The following NPFFR2 variants were observed in gnomAD, a reference collection of about 807,000 sequenced individuals.
NPFFR2 encodes the protein neuropeptide FF receptor 2.
In NPFFR2, 15 loss-of-function variants were observed where a neutral mutation model predicts 13.1. The observed-to-expected ratio is 1.15, with a 90% CI of 0.77 to 1.76. The LOEUF (loss-of-function observed/expected upper bound fraction) is 1.76. Ranked by LOEUF, NPFFR2 falls within the 40% of genes most tolerant of loss-of-function variation. The pLI is 0.00. For synonymous variants in NPFFR2, 190 were observed against 175.7 expected (o/e 1.08, Z -0.65); for missense variants, 572 against 503.5 (o/e 1.14, Z -1.30).
chr4:72,137,851 C>T lies in NPFFR2; in HGVS notation c.329-189C>T, dbSNP rs142929583. Among the ~76,000 whole-genome samples the T allele has an allele frequency of 2.6e-4, 39 of 152,208 alleles. 1 individual carries two copies. In the East Asian group the frequency reaches 6.8e-3, roughly 26 times the overall value. On this transcript the variant is annotated intron_variant, in intron 2 of 3. Coordinates refer to ENST00000308744, the MANE Select transcript of NPFFR2 (RefSeq NM_004885.3). ...GTGATAACTACTATGTAAGTTTTGA[C>T]ATTATTGTTAGTGTACTGAAAAGCA...
intron 1 of NPFFR2, among the ~76,000 whole-genome samples, chr4:72,093,802 T>A (rs1204275576): frequency 6.6e-6 from 1 of 152,050 alleles, no homozygotes; most frequent in African/African-American, 2.4e-5. Context: ...ATTGGCTTAA[T>A]AGTTGACCTT....
At chr4:72,046,005 T>C (rs994923493) in intron 1 of NPFFR2, among the ~76,000 whole-genome samples, 2 of 152,148 alleles carry the variant, frequency 1.3e-5, no homozygotes, top group African/African-American at 4.8e-5. Flanking sequence ...ATTGCAGTAT[T>C]ATTTATAATA....
intron 1 of NPFFR2, 50 bp from the exon 2 acceptor site, chr4:72,128,535 C>T: frequency 8.6e-7 from 1 of 1,161,576 alleles, no homozygotes. Flanking sequence ...AGAATTTATG[C>T]TTTACTGGTT....
intron 1 of NPFFR2, among the ~76,000 whole-genome samples, chr4:72,034,816 G>T (rs1719003182): frequency 6.6e-6 from 1 of 152,116 alleles, no homozygotes; most frequent in Non-Finnish European, 1.5e-5. Context: ...TAAACTAGAA[G>T]GAAATGGAAA....
chr4:72,107,006 T>G (rs1007770792), intron 1 of NPFFR2, among the ~76,000 whole-genome samples: 3 of 151,934 alleles, frequency 2.0e-5, no homozygotes, highest in Admixed American at 6.6e-5. Flanking sequence ...CCCCATTTCT[T>G]GTATTTTAGA....
intron 1 of NPFFR2, among the ~76,000 whole-genome samples, chr4:72,057,911 A>G (rs1010496796): frequency 1.2e-4 from 19 of 152,028 alleles, no homozygotes; most frequent in African/African-American, 4.6e-4. Context: ...CCAAAAATGC[A>G]TAATGTGAAT....
chr4:72,094,439 C>A (rs1721001078), intron 1 of NPFFR2, among the ~76,000 whole-genome samples: 1 of 152,122 alleles, frequency 6.6e-6, no homozygotes, highest in Non-Finnish European at 1.5e-5. Flanking sequence ...CCTTTGTCTT[C>A]AGCTACCAGG....
intron 1 of NPFFR2, among the ~76,000 whole-genome samples, chr4:72,060,235 A>C (rs1719881878): frequency 6.6e-6 from 1 of 152,098 alleles, no homozygotes; most frequent in African/African-American, 2.4e-5. Context: ...TCTGTGTGTC[A>C]GACGTTCTTA....
intron 1 of NPFFR2, among the ~76,000 whole-genome samples, chr4:72,122,324 G>A (rs531000394): frequency 6.6e-5 from 10 of 152,172 alleles, no homozygotes; most frequent in African/African-American, 2.2e-4. Context: ...ACACCCCACT[G>A]TCAATATTAG....
chr4:72,048,189 G>A (rs1207312694), intron 1 of NPFFR2, among the ~76,000 whole-genome samples: 1 of 152,032 alleles, frequency 6.6e-6, no homozygotes, highest in East Asian at 1.9e-4. Context: ...GATTCAATGG[G>A]GAGCAACGAA....
chr4:72,137,948 AC>A (rs1722468982), intron 2 of NPFFR2, 91 bp from the exon 3 acceptor site: 1 of 880,362 alleles, frequency 1.1e-6, no homozygotes. Context: ...GAAAACAGTT[AC>A]ATTAGTCTCG....
intron 1 of NPFFR2, among the ~76,000 whole-genome samples, chr4:72,054,132 G>A (rs1719671932): frequency 6.6e-6 from 1 of 151,670 alleles, no homozygotes; most frequent in Non-Finnish European, 1.5e-5. Context: ...TTTTTTTGAA[G>A]AAAATAATAA....
At chr4:72,133,388 C>T (rs1463252043) in intron 2 of NPFFR2, among the ~76,000 whole-genome samples, 1 of 152,154 alleles carries the variant, frequency 6.6e-6, no homozygotes, top group Non-Finnish European at 1.5e-5. Flanking sequence ...TGTACTAGTA[C>T]CATGCTATTT....
At chr4:72,130,579 C>A (rs1373558710) in intron 2 of NPFFR2, among the ~76,000 whole-genome samples, 3 of 152,022 alleles carry the variant, frequency 2.0e-5, no homozygotes, top group African/African-American at 4.8e-5. Context: ...ATGAAAGGAC[C>A]CTTCCCTTGA....
At chr4:72,114,520 A>G (rs1721654163) in intron 1 of NPFFR2, among the ~76,000 whole-genome samples, 1 of 152,128 alleles carries the variant, frequency 6.6e-6, no homozygotes, top group Non-Finnish European at 1.5e-5. Context: ...AAGTTTTCTT[A>G]GGATTTGGCA....
chr4:72,135,443 C>T (rs34047907), intron 2 of NPFFR2, among the ~76,000 whole-genome samples: 11,349 of 149,538 alleles, frequency 0.076, 1,317 homozygotes, highest in East Asian at 0.47. Context: ...AATTTTTTGC[C>T]CCTCATTCTT....
chr4:72,122,234 AGCACCCAGAT>A (rs1721904548), intron 1 of NPFFR2, among the ~76,000 whole-genome samples: 1 of 152,186 alleles, frequency 6.6e-6, no homozygotes, highest in Non-Finnish European at 1.5e-5. Flanking sequence ...CCCATACAGG[AGCACCCAGAT>A]TCATAAAACA....
At chr4:72,081,306 G>A (rs1720612010) in intron 1 of NPFFR2, among the ~76,000 whole-genome samples, 2 of 152,060 alleles carry the variant, frequency 1.3e-5, no homozygotes, top group South Asian at 4.2e-4. Context: ...AAGCCTTCGG[G>A]CCTGCAAACC....
At chr4:72,061,042 A>G (rs1378053874) in intron 1 of NPFFR2, among the ~76,000 whole-genome samples, 1 of 152,186 alleles carries the variant, frequency 6.6e-6, no homozygotes, top group Non-Finnish European at 1.5e-5. Context: ...AAGCATTAGA[A>G]ATATTGGAGG....
Sources: allele counts gnomAD v4.1 joint callset (sites outside exome capture counted in the v4.1 genomes callset), GRCh38; gene constraint gnomAD v4.1.1; transcripts MANE v1.5; gene names NCBI Gene and HGNC (gene_info 2026-07-23, HGNC 2026-07-21).